COL23A1: variants seen among roughly 807,000 people sequenced by gnomAD.
COL23A1 encodes collagen type XXIII alpha 1 chain.
A neutral mutation model predicts 99.3 loss-of-function variants in COL23A1; 97 were observed. The ratio of observed to expected loss-of-function variants is 0.98; its 90% CI spans 0.83 to 1.16. The LOEUF (loss-of-function observed/expected upper bound fraction) is 1.16. Among genes scored for constraint, COL23A1 ranks in the 50% most tolerant of loss-of-function variants. COL23A1 has a pLI of 0.00. For missense variants in COL23A1, 762 were observed against 757.4 expected (o/e 1.01, Z -0.07); for synonymous variants, 320 against 308.2 (o/e 1.04, Z -0.40).
At chr5:178,251,925 T>TTTTTTTTTTTTTTTTTTTTA (rs1554125608) in intron 17 of COL23A1, among the ~76,000 whole-genome samples, 1 of 142,792 alleles carries the variant, frequency 7.0e-6, no homozygotes, top group Admixed American at 7.1e-5. Flanking sequence ...TTTTTTTTTT[T>TTTTTTTTTTTTTTTTTTTTA]ATTTTGAGAC....
At chr5:178,292,291 C>T (rs2973777) in intron 3 of COL23A1, among the ~76,000 whole-genome samples, 1 of 151,928 alleles carries the variant, frequency 6.6e-6, no homozygotes, top group Non-Finnish European at 1.5e-5. Context: ...ACTGACCCAC[C>T]TTCAATTAGG....
intron 2 of COL23A1, among the ~76,000 whole-genome samples, chr5:178,483,604 C>T (rs1045288171): frequency 2.0e-5 from 3 of 152,186 alleles, no homozygotes; most frequent in Admixed American, 2.0e-4. Flanking sequence ...TTACGTTTCC[C>T]GAGTCAAACC....
intron 2 of COL23A1, among the ~76,000 whole-genome samples, chr5:178,498,885 T>C (rs1233994708): frequency 6.7e-6 from 1 of 150,276 alleles, no homozygotes; most frequent in African/African-American, 2.5e-5. Context: ...AGGTCAGGAG[T>C]TCAAGACCAT....
chr5:178,479,221 C>A (rs1056982805), intron 2 of COL23A1, among the ~76,000 whole-genome samples: 1 of 152,192 alleles, frequency 6.6e-6, no homozygotes, highest in African/African-American at 2.4e-5. Context: ...CTTATTCATA[C>A]CCATTTTACA....
At chr5:178,431,969 T>G (rs1219743646) in intron 2 of COL23A1, among the ~76,000 whole-genome samples, 2 of 152,222 alleles carry the variant, frequency 1.3e-5, no homozygotes, top group African/African-American at 4.8e-5. Context: ...TGACTCAGAC[T>G]TTCTCTGGGC....
chr5:178,576,247 T>TC (rs1216274785), intron 1 of COL23A1, among the ~76,000 whole-genome samples: 1 of 151,454 alleles, frequency 6.6e-6, no homozygotes, highest in East Asian at 1.9e-4. Context: ...TTCATTATCC[T>TC]TTTTTTTTAG....
intron 2 of COL23A1, among the ~76,000 whole-genome samples, chr5:178,448,642 C>T (rs543924110): frequency 2.6e-5 from 4 of 152,306 alleles, no homozygotes; most frequent in Admixed American, 1.3e-4. Flanking sequence ...CAAACTCATC[C>T]TTTTATTATG....
Position 178,584,308 on chromosome 5 carries a change from CCACACACACACACACACACA to C in COL23A1, c.294+5576_294+5595del, listed in dbSNP as rs4045513. Among the ~76,000 whole-genome samples the C allele has an allele frequency of 2.4e-3, 353 of 145,140 alleles. 1 individual carries two copies. Among genetic ancestry groups the C allele is most frequent in the African/African-American group, 8.0e-3 (313 of 39,268 alleles). On this transcript the variant is annotated intron_variant, in intron 1 of 28. Coordinates refer to ENST00000390654, the MANE Select transcript of COL23A1 (RefSeq NM_173465.4). ...TACAGGTGTGAGCCACTGCACCTGGCCACACACACACACACACACACACACACACACACACCTAGAAATAA... is the reference window on the plus strand; with the variant it reads ...TACAGGTGTGAGCCACTGCACCTGGCCACACACACACACACCTAGAAATAA...
At chr5:178,358,120 T>C (rs1761850248) in intron 2 of COL23A1, among the ~76,000 whole-genome samples, 1 of 151,336 alleles carries the variant, frequency 6.6e-6, no homozygotes, top group Admixed American at 6.6e-5. Context: ...TGTGTATGTG[T>C]ACGTGTGTAC....
chr5:178,300,735 A>ATTTTT (rs563601112), intron 3 of COL23A1, among the ~76,000 whole-genome samples: 180 of 150,470 alleles, frequency 1.2e-3, no homozygotes, highest in African/African-American at 4.2e-3. Context: ...TTATTTATTT[A>ATTTTT]TTTTTTTTAG....
intron 6 of COL23A1, among the ~76,000 whole-genome samples, chr5:178,269,012 G>C (rs1393490721): frequency 6.6e-6 from 1 of 152,126 alleles, no homozygotes; most frequent in Non-Finnish European, 1.5e-5. Context: ...CCTCGCAGCA[G>C]AGAAAGGGGC....
intron 2 of COL23A1, among the ~76,000 whole-genome samples, chr5:178,344,651 A>T (rs951355172): frequency 6.6e-6 from 1 of 152,136 alleles, no homozygotes; most frequent in Admixed American, 6.5e-5. Flanking sequence ...TCAAAAAAAA[A>T]AGAAAGGTCT....
At chr5:178,345,808 A>G (rs1760936202) in intron 2 of COL23A1, among the ~76,000 whole-genome samples, 1 of 151,932 alleles carries the variant, frequency 6.6e-6, no homozygotes, top group Admixed American at 6.6e-5. Flanking sequence ...TATAGGTATG[A>G]GCCGTTGCGC....
chr5:178,249,716 A>ACACTCACT, intron 18 of COL23A1, among the ~76,000 whole-genome samples: 47 of 92,806 alleles, frequency 5.1e-4, no homozygotes, highest in East Asian at 8.3e-4. Context: ...ACACACACAC[A>ACACTCACT]CTCTCTCTCT....
intron 2 of COL23A1, among the ~76,000 whole-genome samples, chr5:178,426,686 G>A (rs974539180): frequency 1.3e-5 from 2 of 152,188 alleles, no homozygotes; most frequent in African/African-American, 2.4e-5. Context: ...GAGACAAGCC[G>A]CAGAGAGAGA....
chr5:178,324,151 C>T (rs974763886), intron 2 of COL23A1, among the ~76,000 whole-genome samples: 1 of 150,232 alleles, frequency 6.7e-6, no homozygotes. Context: ...TTTGGGGGCA[C>T]GAGGGCTGGG....
intron 1 of COL23A1, among the ~76,000 whole-genome samples, chr5:178,563,185 TAGGCCTCTGGATGCCAGGCTTCCA>T (rs1182452019): frequency 1.3e-5 from 2 of 152,156 alleles, no homozygotes; most frequent in Non-Finnish European, 2.9e-5. Flanking sequence ...GGAACCTGGC[TAGGCCTCTGGATGCCAGGCTTCCA>T]GCTTCCTGCA....
rs139139586 is a variant in COL23A1, at chr5:178,484,658, G to C, written c.361+76024C>G. On this transcript the variant is annotated intron_variant, in intron 2 of 28. Transcript: ENST00000390654. ...CTAACACGGTGAAACCCCGTCTCTA[G>C]TAAAAATACAAAAATCAGCCAGGCG... 1.0e-2 allele frequency among the ~76,000 whole-genome samples: 1,516 copies of C among 151,908 alleles called. 27 individuals are homozygous for C. Among genetic ancestry groups the C allele is most frequent in the African/African-American group, 0.034 (1,423 of 41,436 alleles).
chr5:178,389,171 G>A (rs1320219587), intron 2 of COL23A1, among the ~76,000 whole-genome samples: 1 of 152,038 alleles, frequency 6.6e-6, no homozygotes, highest in Non-Finnish European at 1.5e-5. Flanking sequence ...AAACCTGGCT[G>A]TCACGCTCCC....
Sources: gnomAD v4.1 joint callset for allele counts (sites outside exome capture counted in the v4.1 genomes callset) on GRCh38, gnomAD v4.1.1 for gene constraint, MANE v1.5 for transcripts, NCBI Gene and HGNC (gene_info 2026-07-23, HGNC 2026-07-21) for gene names.